The following CDH13 variants were observed in gnomAD, a reference collection of about 807,000 sequenced individuals.
CDH13 encodes cadherin 13, also known as cadherin-13.
A neutral mutation model predicts 63.8 loss-of-function variants in CDH13; 24 were observed. The observed-to-expected ratio is 0.38, with a 90% CI of 0.27 to 0.53. The LOEUF (loss-of-function observed/expected upper bound fraction) is 0.53. CDH13 is among the 20% of genes least tolerant of loss of function. The pLI is 0.85. For missense variants in CDH13, 1,049 were observed against 903.1 expected (o/e 1.16, Z -2.07); for synonymous variants, 503 against 355.3 (o/e 1.42, Z -4.67).
intron 5 of CDH13, among the ~76,000 whole-genome samples, chr16:83,330,521 C>A (rs1223246247): frequency 6.6e-6 from 1 of 152,148 alleles, no homozygotes; most frequent in Non-Finnish European, 1.5e-5. Context: ...GGGATAGAGG[C>A]CAACCCAAAG....
At chr16:82,791,338 C>G (rs1339825336) in intron 1 of CDH13, among the ~76,000 whole-genome samples, 1 of 151,810 alleles carries the variant, frequency 6.6e-6, no homozygotes, top group African/African-American at 2.4e-5. Context: ...CCCAACAAAT[C>G]AGGTTGTAAA....
intron 11 of CDH13, among the ~76,000 whole-genome samples, chr16:83,777,633 A>G (rs1288930991): frequency 3.3e-5 from 5 of 152,240 alleles, no homozygotes; most frequent in South Asian, 2.1e-4. Flanking sequence ...CGCCAAGGCC[A>G]TCATGCCCAC....
intron 6 of CDH13, among the ~76,000 whole-genome samples, chr16:83,377,720 CT>C (rs1488063474): frequency 2.6e-5 from 4 of 152,144 alleles, no homozygotes; most frequent in Non-Finnish European, 4.4e-5. Flanking sequence ...TATGCCATTT[CT>C]TGAGAACTGT....
intron 11 of CDH13, among the ~76,000 whole-genome samples, chr16:83,754,018 T>C (rs1329817989): frequency 1.3e-5 from 2 of 151,662 alleles, no homozygotes; most frequent in Non-Finnish European, 2.9e-5. Context: ...GCAGAGAGCC[T>C]AGGATGGAGG....
At chr16:83,301,025 G>GGTTT (rs3052592) in intron 5 of CDH13, among the ~76,000 whole-genome samples, 14 of 78,754 alleles carry the variant, frequency 1.8e-4, no homozygotes, top group African/African-American at 6.5e-4. Context: ...ACTTTCTGGG[G>GGTTT]TTTTTTTTTT....
At chr16:82,834,548 ACCCACAG>A (rs200512363) in intron 1 of CDH13, among the ~76,000 whole-genome samples, 55 of 152,082 alleles carry the variant, frequency 3.6e-4, no homozygotes, top group Admixed American at 2.0e-3. Context: ...CTTTGCAGCC[ACCCACAG>A]CCCACAGCCC....
intron 10 of CDH13, among the ~76,000 whole-genome samples, chr16:83,706,755 G>A (rs1471474714): frequency 6.6e-6 from 1 of 152,190 alleles, no homozygotes; most frequent in African/African-American, 2.4e-5. Flanking sequence ...CAAGCTTCAG[G>A]AATGCCGGAA....
chr16:83,528,698 G>A (rs754330925), intron 7 of CDH13, among the ~76,000 whole-genome samples: 1 of 152,152 alleles, frequency 6.6e-6, no homozygotes, highest in Non-Finnish European at 1.5e-5. Flanking sequence ...ACAGTGCTGA[G>A]ATGTAACGAA....
rs373131883 is a variant in CDH13, at chr16:83,029,652, A to G, written c.158-2358A>G. Among the ~76,000 whole-genome samples, 7 of 152,310 alleles carry G rather than the reference A, an allele frequency of 4.6e-5. No homozygotes were observed. In the East Asian group the frequency reaches 1.2e-3, roughly 25 times the overall value. On this transcript the variant is annotated intron_variant, in intron 2 of 13. Transcript: ENST00000567109. ...ATACTGTATGACCACATTAGATGCC[A>G]TGCAAATGCAGGTAAAACCAATCTG...
chr16:83,123,490 G>T (rs984161615), intron 3 of CDH13, among the ~76,000 whole-genome samples: 3 of 151,974 alleles, frequency 2.0e-5, no homozygotes, highest in African/African-American at 7.3e-5. Context: ...TGTTGGTCAG[G>T]CTGGTCTCAA....
At chr16:82,906,285 C>G (rs1158894163) in intron 2 of CDH13, among the ~76,000 whole-genome samples, 1 of 152,170 alleles carries the variant, frequency 6.6e-6, no homozygotes, top group African/African-American at 2.4e-5. Context: ...TATAGCTTAG[C>G]AGACCTCCAT....
intron 2 of CDH13, among the ~76,000 whole-genome samples, chr16:83,015,512 AAAGGTCCTCACTTTGTAATGTTTGCAGT>A (rs1914669964): frequency 6.6e-6 from 1 of 151,220 alleles, no homozygotes; most frequent in South Asian, 2.1e-4. Context: ...AACATAATCC[AAAGGTCCTCACTTTGTAATGTTTGCAGT>A]AAGATTCCAG....
At chr16:83,138,836 C>A (rs1232097884) in intron 4 of CDH13, among the ~76,000 whole-genome samples, 1 of 151,926 alleles carries the variant, frequency 6.6e-6, no homozygotes, top group East Asian at 1.9e-4. Flanking sequence ...GGCTCCCGGG[C>A]AGGGGAGAGG....
intron 1 of CDH13, among the ~76,000 whole-genome samples, chr16:82,850,721 C>T (rs184934432): frequency 4.5e-4 from 68 of 152,246 alleles, no homozygotes; most frequent in African/African-American, 1.5e-3. Context: ...AAGAAATTGC[C>T]ACAGCCTCCC....
chr16:82,816,537 T>A (rs2037719631), intron 1 of CDH13, among the ~76,000 whole-genome samples: 1 of 151,968 alleles, frequency 6.6e-6, no homozygotes, highest in Admixed American at 6.6e-5. Flanking sequence ...GCATCAACAT[T>A]TGAGCTAAGT....
rs185316250 is a variant in CDH13 at position 82,982,718 on chromosome 16, C to T, written c.158-49292C>T. 2.1e-3 allele frequency among the ~76,000 whole-genome samples: 325 copies of T among 152,340 alleles called. 2 individuals are homozygous for T. The highest frequency in any genetic ancestry group is 0.017 in the Middle Eastern group (5 of 294). On this transcript the variant is annotated intron_variant, in intron 2 of 13. Transcript: ENST00000567109. ...TGCAGGTCGTCTCCCTGTGGCTGCA[C>T]TCCACACAAATACAAGTAAACGCAT...
chr16:83,219,377 A>G (rs998005734), intron 5 of CDH13, among the ~76,000 whole-genome samples: 23 of 152,360 alleles, frequency 1.5e-4, no homozygotes, highest in African/African-American at 5.0e-4. Context: ...ACACAGCCAG[A>G]TTGGCTGCAT....
chr16:83,613,051 A>G (rs1281070707), intron 8 of CDH13, among the ~76,000 whole-genome samples: 3 of 152,166 alleles, frequency 2.0e-5, no homozygotes, highest in Admixed American at 2.0e-4. Context: ...TTTGAAGAAT[A>G]TTTTCACTGG....
intron 1 of CDH13, among the ~76,000 whole-genome samples, chr16:82,648,714 A>G (rs1009196540): frequency 6.6e-6 from 1 of 152,252 alleles, no homozygotes; most frequent in African/African-American, 2.4e-5. Context: ...CCATTGATAC[A>G]CTTGCGTTAC....
Sources: allele counts gnomAD v4.1 joint callset (sites outside exome capture counted in the v4.1 genomes callset), GRCh38; gene constraint gnomAD v4.1.1; transcripts MANE v1.5; gene names NCBI Gene and HGNC (gene_info 2026-07-23, HGNC 2026-07-21).